DUSP11: variants seen among roughly 807,000 people sequenced by gnomAD.
DUSP11 encodes RNA/RNP complex-1-interacting phosphatase.
A neutral mutation model predicts 41.4 loss-of-function variants in DUSP11; 27 were observed. That is an observed-to-expected ratio of 0.65 (90% CI 0.48 to 0.90). DUSP11 has a LOEUF of 0.90. DUSP11 is among the 40% of genes least tolerant of loss of function. The pLI, the probability that DUSP11 is intolerant of heterozygous loss-of-function variation, is 0.00. For missense variants in DUSP11, 465 were observed against 461.1 expected (o/e 1.01, Z -0.08); for synonymous variants, 188 against 159.3 (o/e 1.18, Z -1.35).
intron 4 of DUSP11, among the ~76,000 whole-genome samples, chr2:73,771,925 A>G (rs1672589286): frequency 6.6e-6 from 1 of 150,606 alleles, no homozygotes; most frequent in Admixed American, 6.6e-5. Flanking sequence ...GGTTCACGCC[A>G]TTCTCCTGCC....
At chr2:73,763,042 T>C (rs530960398) in intron 8 of DUSP11, among the ~76,000 whole-genome samples, 183 bp from the exon 9 acceptor site, 5 of 152,280 alleles carry the variant, frequency 3.3e-5, no homozygotes, top group Admixed American at 2.0e-4. Context: ...TTCCCTAAGT[T>C]CTTTATAAAA....
In DUSP11 at chr2:73,766,535, T is replaced by G. The variant is rs774516556; in HGVS notation, c.818A>C (p.Gln273Pro). 22 of 1,614,126 alleles carry G rather than the reference T, an allele frequency of 1.4e-5. 1 individual carries two copies. In the South Asian group the frequency reaches 2.4e-4, roughly 18 times the overall value. ...TTTAACAGGCTTATTGTGGACTGGT[T>G]GCATGAGATGTGCTGAGTCTTCAAA... The change falls in exon 8 of 9, where the codon CAA (glutamine) becomes CCA (proline). Residue 273 changes from glutamine (Q) to proline (P), a missense_variant. Physicochemically the swap from Gln to Pro is moderately conservative, Grantham distance 76. Coordinates refer to ENST00000272444, the Ensembl canonical transcript of DUSP11.
In DUSP11 at chr2:73,780,117, T is replaced by G. The variant is rs1252143075; in HGVS notation, c.-2A>C. 2 of 1,555,094 alleles carry G rather than the reference T, an allele frequency of 1.3e-6. No individual in the cohort carries two copies. Among genetic ancestry groups the G allele is most frequent in the Non-Finnish European group, 1.7e-6 (2 of 1,148,690 alleles). On this transcript the variant is annotated 5_prime_UTR_variant, in exon 1 of 9. Transcript: ENST00000272444. The stretch of plus-strand genomic sequence containing the variant: ...CTCCAGCGTCTCGCTATTGCGCATG[T>G]GCCACCGCCGGTCGTGATGGCGTAG...
intron 5 of DUSP11, chr2:73,769,009 G>T: frequency 4.1e-5 from 13 of 317,962 alleles, no homozygotes; most frequent in East Asian, 1.1e-4. Flanking sequence ...AAAGAAAGAT[G>T]TCTATCACAT....
chr2:73,762,650 A>T (rs1558531243), exon 9 of DUSP11: 2 of 1,601,238 alleles, frequency 1.2e-6, no homozygotes, highest in Admixed American at 1.7e-5. Context: ...GAATTCCAGG[A>T]CAGGTTTGTA....
chr2:73,765,759 T>C (rs1672449144), intron 8 of DUSP11, among the ~76,000 whole-genome samples: 1 of 152,242 alleles, frequency 6.6e-6, no homozygotes, highest in African/African-American at 2.4e-5. Context: ...ATTTTTCTTA[T>C]AATTCATATC....
chr2:73,768,407 A>C, intron 5 of DUSP11: 1 of 972,952 alleles, frequency 1.0e-6, no homozygotes, highest in Non-Finnish European at 1.2e-6. Context: ...CTGCTTACAC[A>C]TAATAGATGC....
intron 5 of DUSP11, chr2:73,767,479 T>C (rs1383249538): frequency 1.3e-5 from 4 of 300,872 alleles, no homozygotes; most frequent in Non-Finnish European, 2.4e-5. Context: ...AAATGCAGAA[T>C]CATTTTTTAT....
intron 1 of DUSP11, chr2:73,779,477 T>A (rs1336586845): frequency 4.6e-6 from 1 of 216,074 alleles, no homozygotes; most frequent in African/African-American, 2.3e-5. Context: ...AAACCAACTT[T>A]CCATGTGAGA....
chr2:73,767,476 G>A, intron 5 of DUSP11: 1 of 307,870 alleles, frequency 3.2e-6, no homozygotes, highest in Non-Finnish European at 5.8e-6. Flanking sequence ...AGAAAATGCA[G>A]AATCATTTTT....
chr2:73,771,969 T>C (rs1055969174), intron 4 of DUSP11, among the ~76,000 whole-genome samples: 13 of 150,928 alleles, frequency 8.6e-5, no homozygotes, highest in South Asian at 2.1e-4. Flanking sequence ...TACAGATGCC[T>C]GCCACCACGC....
Position 73,773,857 on chromosome 2 carries a change from T to C in DUSP11, c.517A>G (p.Thr173Ala). The C allele has an allele frequency of 1.9e-6, 3 of 1,606,488 alleles. No individual in the cohort carries two copies. In the African/African-American group the frequency reaches 4.0e-5, roughly 21 times the overall value. The change falls in exon 4 of 9, where the codon ACT (threonine) becomes GCT (alanine). Residue 173 changes from threonine (T) to alanine (A), a missense_variant. Coordinates refer to ENST00000272444, the Ensembl canonical transcript of DUSP11. Reference sequence around the variant, plus strand: ...ACAGCGTGTTTGAATTTAAAAATAGTCTCATCATCAGGCACTTGATGTCCA... The same window carrying C: ...ACAGCGTGTTTGAATTTAAAAATAGCCTCATCATCAGGCACTTGATGTCCA...
At chr2:73,778,415 G>T in intron 1 of DUSP11, 39 bp from the exon 2 acceptor site, 1 of 1,334,242 alleles carries the variant, frequency 7.5e-7, no homozygotes, top group Non-Finnish European at 1.0e-6. Context: ...TTGTATGTTA[G>T]CCTTGTTTCC....
At chr2:73,766,498 C>A in exon 8 of DUSP11, 1 of 1,613,962 alleles carries the variant, frequency 6.2e-7, no homozygotes, top group Non-Finnish European at 8.5e-7. Context: ...GTAGATTATA[C>A]CTAGGTCCTT....
In DUSP11 at chr2:73,762,746, C is replaced by A. The variant is rs536357787; in HGVS notation, c.1049G>T (p.Ser350Ile). The change falls in exon 9 of 9, where the codon AGT becomes ATT. Residue 350 changes from serine to isoleucine, a missense_variant. Transcript: ENST00000272444. Reference sequence around the variant, plus strand: ...CCTTCTTCTATCCTGGGCTGCCCGACTGGCATTGGGCTTCACATTCCAAGA... The same window carrying A: ...CCTTCTTCTATCCTGGGCTGCCCGAATGGCATTGGGCTTCACATTCCAAGA... 19 of 1,613,896 alleles carry A rather than the reference C, an allele frequency of 1.2e-5. No homozygotes were observed. The African/African-American group carries it at 2.1e-4, about 18-fold the overall frequency.
chr2:73,773,697 C>T lies in DUSP11; in HGVS notation c.574+103G>A, dbSNP rs112781548. The T allele has an allele frequency of 3.6e-3, 4,230 of 1,183,732 alleles. 78 individuals are homozygous for T. The African/African-American group carries it at 0.047, about 13-fold the overall frequency. 73.3% of individuals were successfully genotyped at this position (1,183,732 alleles called of 1,614,324 possible). ...TCTGACATTTTCATCACCTTAGCATCATTAAATACAACAGGTCTGAGGTTG... is the reference window on the plus strand; with the variant it reads ...TCTGACATTTTCATCACCTTAGCATTATTAAATACAACAGGTCTGAGGTTG... On this transcript the variant is annotated intron_variant, in intron 4 of 8. Transcript: ENST00000272444.
chr2:73,769,433 G>C, intron 4 of DUSP11, 108 bp from the exon 5 acceptor site: 2 of 829,120 alleles, frequency 2.4e-6, no homozygotes, highest in Non-Finnish European at 3.8e-6. Flanking sequence ...TTTTTTCTAG[G>C]AACATACTAT....
chr2:73,765,114 G>A (rs1268482266), intron 8 of DUSP11, among the ~76,000 whole-genome samples: 2 of 152,166 alleles, frequency 1.3e-5, no homozygotes, highest in Non-Finnish European at 2.9e-5. Flanking sequence ...TGTCTGTGAG[G>A]GTGTGTCCAA....
Position 73,773,722 on chromosome 2 carries a change from G to A in DUSP11, c.574+78C>T, listed in dbSNP as rs1032774324. 4 of 1,410,480 alleles carry A rather than the reference G, an allele frequency of 2.8e-6. No homozygotes were observed. The African/African-American group carries it at 5.7e-5, about 20-fold the overall frequency. 87.4% of individuals were successfully genotyped at this position (1,410,480 alleles called of 1,614,324 possible). A position where few individuals can be genotyped will look rare whatever the true frequency, so the allele number is the denominator to read the frequency against. On this transcript the variant is annotated intron_variant, in intron 4 of 8. Coordinates refer to ENST00000272444, the Ensembl canonical transcript of DUSP11. The stretch of plus-strand genomic sequence containing the variant: ...CATTAAATACAACAGGTCTGAGGTT[G>A]GAACTATAAAAAAATACCAAAAATC...
Sources: allele counts gnomAD v4.1 joint callset (sites outside exome capture counted in the v4.1 genomes callset), GRCh38; gene constraint gnomAD v4.1.1; transcripts MANE v1.5; gene names NCBI Gene and HGNC (gene_info 2026-07-23, HGNC 2026-07-21).